GSE1: variants seen among roughly 807,000 people sequenced by gnomAD.
GSE1 encodes genetic suppressor element 1.
In GSE1, 32 loss-of-function variants were observed where a neutral mutation model predicts 112.6. The observed-to-expected ratio is 0.28, with a 90% confidence interval of 0.21 to 0.38. The LOEUF (loss-of-function observed/expected upper bound fraction) is 0.38, where lower values mean the gene tolerates loss of function less well. Ranked by LOEUF, GSE1 falls within the 10% of genes least tolerant of loss-of-function variation. GSE1 has a pLI of 1.00. For missense variants in GSE1, 2,348 were observed against 1,699.2 expected, an observed-to-expected ratio of 1.38 and a Z score of -6.71; for synonymous variants, 1,115 against 735.6, an observed-to-expected ratio of 1.52 and a Z score of -8.35.
In GSE1 at chr16:85,666,095, C is replaced by G; in HGVS notation, c.2878C>G (p.Leu960Val). Residue 960 changes from leucine (L) to valine (V), a missense_variant, in exon 13 of 16, where the codon CTG becomes GTG. Leu to Val is a conservative substitution (Grantham distance 32). Coordinates refer to ENST00000253458, the MANE Select transcript of GSE1 (RefSeq NM_014615.5). ...GKLEQVRPQE[L>V]SRVQELAPAS... ...GCTGGAACAGGTCCGGCCCCAGGAG[C>G]TGTCGAGAGTCCAGGAGCTAGCTCC... 2 of 1,613,224 alleles carry G rather than the reference C, an allele frequency of 1.2e-6. No individual in the cohort carries two copies. Among genetic ancestry groups the G allele is most frequent in the Non-Finnish European group, 1.7e-6 (2 of 1,179,952 alleles).
chr16:85,364,288 GC>G (rs976909853), intron 2 of GSE1, among the ~76,000 whole-genome samples: 1 of 152,044 alleles, frequency 6.6e-6, no homozygotes, highest in African/African-American at 2.4e-5. Context: ...CTCTTCTCCT[GC>G]CCCCCTCTCC....
chr16:85,588,063 G>T (rs914389964), intron 1 of GSE1, among the ~76,000 whole-genome samples: 2 of 152,142 alleles, frequency 1.3e-5, no homozygotes, highest in African/African-American at 2.4e-5. Context: ...CTTTCCAGAG[G>T]CCAGGGGATT....
intron 2 of GSE1, among the ~76,000 whole-genome samples, chr16:85,429,686 C>A (rs968186876): frequency 2.0e-5 from 3 of 152,230 alleles, no homozygotes; most frequent in African/African-American, 7.2e-5. Flanking sequence ...CCCCTGTCCT[C>A]AGACCTGCCC....
At chr16:85,492,271 C>G (rs186942246) in intron 2 of GSE1, among the ~76,000 whole-genome samples, 1 of 152,182 alleles carries the variant, frequency 6.6e-6, no homozygotes, top group Non-Finnish European at 1.5e-5. Flanking sequence ...CCCCCGTCGG[C>G]CTGTGCTGAG....
rs1034865004 is a variant in GSE1, at chr16:85,675,826, C to A, written c.*3287C>A. ...TTAGCCACTTAGCAATCTCTATATT[C>A]TTTCAAGTAACCAAGCTGTTGACTT... On this transcript the variant is annotated 3_prime_UTR_variant, in exon 16 of 16. Coordinates refer to ENST00000253458, the MANE Select transcript of GSE1 (RefSeq NM_014615.5). 6.6e-6 allele frequency: 1 copy of A among 152,266 alleles called. No individual in the cohort carries two copies. Among genetic ancestry groups the A allele is most frequent in the Admixed American group, 6.5e-5 (1 of 15,290 alleles). 9.4% of individuals were successfully genotyped at this position (152,266 alleles called of 1,614,324 possible). A position where few individuals can be genotyped will look rare whatever the true frequency, so the allele number is the denominator to read the frequency against.
At chr16:85,257,345 A>G (rs1907194659) in intron 1 of GSE1, among the ~76,000 whole-genome samples, 1 of 152,150 alleles carries the variant, frequency 6.6e-6, no homozygotes, top group African/African-American at 2.4e-5. Flanking sequence ...TCTTAACCTC[A>G]GGTGATCCTC....
chr16:85,510,181 C>G (rs999961881), intron 2 of GSE1, among the ~76,000 whole-genome samples: 1 of 152,158 alleles, frequency 6.6e-6, no homozygotes, highest in Non-Finnish European at 1.5e-5. Context: ...CTCAGCTGCT[C>G]AGAAAGAAAG....
intron 1 of GSE1, among the ~76,000 whole-genome samples, chr16:85,179,576 TG>T (rs1323735379): frequency 6.6e-6 from 1 of 152,126 alleles, no homozygotes; most frequent in East Asian, 1.9e-4. Flanking sequence ...GTTTTCCCGT[TG>T]GGGGTTTTCA....
At chr16:85,249,236 G>A (rs1906190312) in intron 1 of GSE1, among the ~76,000 whole-genome samples, 1 of 152,258 alleles carries the variant, frequency 6.6e-6, no homozygotes, top group African/African-American at 2.4e-5. Flanking sequence ...TACCCAGCCA[G>A]CAGGAATGAA....
chr16:85,665,194 G>A (rs1011928077), intron 12 of GSE1, 66 bp downstream of exon 12: 23 of 901,598 alleles, frequency 2.6e-5, no homozygotes, highest in Admixed American at 7.4e-5. Flanking sequence ...AGGCTCAGAG[G>A]CGACCACTCG....
chr16:85,555,481 C>G, upstream of GSE1: 1 of 985,122 alleles, frequency 1.0e-6, no homozygotes, highest in South Asian at 4.7e-5. Context: ...TTTGCAATCG[C>G]CGCCTCTTTT....
chr16:85,547,079 C>T (rs775092991), intron 2 of GSE1, among the ~76,000 whole-genome samples: 4 of 152,196 alleles, frequency 2.6e-5, no homozygotes, highest in Non-Finnish European at 4.4e-5. Context: ...TCCAGGGCCT[C>T]AGGACACTTT....
At chr16:85,626,610 G>A (rs999051501) in intron 1 of GSE1, among the ~76,000 whole-genome samples, 1 of 152,212 alleles carries the variant, frequency 6.6e-6, no homozygotes. Flanking sequence ...ATTACCCCAC[G>A]GGGGGCTGTC....
At chr16:85,257,390 CA>C (rs765136980) in intron 1 of GSE1, among the ~76,000 whole-genome samples, 1 of 152,170 alleles carries the variant, frequency 6.6e-6, no homozygotes, top group Non-Finnish European at 1.5e-5. Context: ...GGATTACAGG[CA>C]TGAGCCACCA....
intron 2 of GSE1, among the ~76,000 whole-genome samples, chr16:85,376,131 G>A (rs1210720799): frequency 6.6e-6 from 1 of 152,146 alleles, no homozygotes; most frequent in Non-Finnish European, 1.5e-5. Flanking sequence ...ACAGACTCCA[G>A]GCTTCTCTCT....
intron 1 of GSE1, among the ~76,000 whole-genome samples, chr16:85,262,151 C>G (rs1354472900): frequency 6.6e-6 from 1 of 152,230 alleles, no homozygotes; most frequent in Non-Finnish European, 1.5e-5. Context: ...GCCTGCTCTT[C>G]AAGAATGACT....
chr16:85,242,725 T>C (rs1323415990), intron 1 of GSE1, among the ~76,000 whole-genome samples: 1 of 152,224 alleles, frequency 6.6e-6, no homozygotes, highest in Non-Finnish European at 1.5e-5. Flanking sequence ...CTGGGGATTC[T>C]GATGTAATTG....
chr16:85,510,437 AGTGT>A (rs922286993), intron 2 of GSE1, among the ~76,000 whole-genome samples: 1 of 37,904 alleles, frequency 2.6e-5, no homozygotes, highest in Admixed American at 3.0e-4. Context: ...TGTGTGTGTC[AGTGT>A]GTGTGTGTCG....
chr16:85,174,587 C>A (rs765336559), intron 1 of GSE1, among the ~76,000 whole-genome samples: 1 of 152,370 alleles, frequency 6.6e-6, no homozygotes, highest in Non-Finnish European at 1.5e-5. Flanking sequence ...GAGCCAGGCG[C>A]GGTTCCAGAT....
Sources: gnomAD v4.1 joint callset for allele counts (sites outside exome capture counted in the v4.1 genomes callset) on GRCh38, gnomAD v4.1.1 for gene constraint, MANE v1.5 for transcripts, NCBI Gene and HGNC (gene_info 2026-07-23, HGNC 2026-07-21) for gene names.